MAGI2: variants seen among roughly 807,000 people sequenced by gnomAD.
The protein encoded by MAGI2 is membrane associated guanylate kinase, WW and PDZ domain containing 2, also known as membrane-associated guanylate kinase, WW and PDZ domain-containing protein 2.
MAGI2 carries 35 observed loss-of-function variants against 133.3 expected under a neutral mutation model. The observed-to-expected ratio is 0.26, with a 90% confidence interval of 0.20 to 0.35. MAGI2 has a LOEUF of 0.35. MAGI2 is among the 10% of genes least tolerant of loss of function. The probability of loss-of-function intolerance (pLI) is 1.00; values close to 1 mark genes in which losing one functional copy is unlikely to be tolerated. For missense variants in MAGI2, 1,636 were observed against 1,863.4 expected (o/e 0.88, Z 2.25); for synonymous variants, 729 against 710.6 (o/e 1.03, Z -0.41).
intron 1 of MAGI2, among the ~76,000 whole-genome samples, chr7:79,403,203 C>T (rs1265402025): frequency 6.6e-6 from 1 of 152,080 alleles, no homozygotes; most frequent in African/African-American, 2.4e-5. Context: ...GACTGAAGTC[C>T]AAAGAATAGC....
At chr7:78,944,382 G>A (rs547683224) in intron 2 of MAGI2, among the ~76,000 whole-genome samples, 15 of 151,988 alleles carry the variant, frequency 9.9e-5, no homozygotes, top group African/African-American at 3.6e-4. Context: ...TTTCCTAATG[G>A]TGTGTTAGGA....
At chr7:78,293,259 C>G (rs1039062769) in intron 9 of MAGI2, among the ~76,000 whole-genome samples, 7 of 152,108 alleles carry the variant, frequency 4.6e-5, no homozygotes, top group Non-Finnish European at 1.0e-4. Context: ...ACCACCCCAT[C>G]GAAAAGTAGG....
At chr7:78,918,830 T>C (rs1461834071) in intron 2 of MAGI2, among the ~76,000 whole-genome samples, 2 of 152,058 alleles carry the variant, frequency 1.3e-5, no homozygotes, top group Non-Finnish European at 2.9e-5. Context: ...AAACATCATA[T>C]ATATACGATG....
At chr7:78,393,703 G>T (rs1200879974) in intron 6 of MAGI2, among the ~76,000 whole-genome samples, 3 of 152,222 alleles carry the variant, frequency 2.0e-5, no homozygotes, top group African/African-American at 7.2e-5. Flanking sequence ...ACATTGACAA[G>T]GAAGAACTGA....
At chr7:78,562,873 T>G (rs1158259573) in intron 3 of MAGI2, among the ~76,000 whole-genome samples, 1 of 152,142 alleles carries the variant, frequency 6.6e-6, no homozygotes, top group African/African-American at 2.4e-5. Flanking sequence ...GCTACTGAAT[T>G]TTTGCTTTGC....
rs144542837 is a variant in MAGI2, at chr7:79,298,155, A to T, written c.301+154865T>A. Among the ~76,000 whole-genome samples, 65 of 152,312 alleles carry T rather than the reference A, an allele frequency of 4.3e-4. No homozygotes were observed. In the East Asian group the frequency reaches 0.012, roughly 29 times the overall value. Reference sequence around the variant, plus strand: ...ATGAATACTGTCTTATTAGTTTAAAAATATTTGCCGTATATAATTACCTGT... The same window carrying T: ...ATGAATACTGTCTTATTAGTTTAAATATATTTGCCGTATATAATTACCTGT... On this transcript the variant is annotated intron_variant, in intron 1 of 21. Coordinates refer to ENST00000354212, the MANE Select transcript of MAGI2 (RefSeq NM_012301.4).
rs578259685 is a variant in MAGI2 at position 79,364,215 on chromosome 7, A to G, written c.301+88805T>C. 4.6e-5 allele frequency among the ~76,000 whole-genome samples: 7 copies of G among 152,196 alleles called. No homozygotes were observed. In the East Asian group the frequency reaches 9.6e-4, roughly 21 times the overall value. ...TCAAAAAACTAAAAGTAGAACAACCATATGATCCAGTAAACGCACTATAGG... is the reference window on the plus strand; with the variant it reads ...TCAAAAAACTAAAAGTAGAACAACCGTATGATCCAGTAAACGCACTATAGG... On this transcript the variant is annotated intron_variant, in intron 1 of 21. Transcript: ENST00000354212.
At chr7:78,989,227 C>G (rs1198171512) in intron 2 of MAGI2, among the ~76,000 whole-genome samples, 1 of 151,950 alleles carries the variant, frequency 6.6e-6, no homozygotes, top group East Asian at 1.9e-4. Context: ...ACCATTACCC[C>G]AAAGAATTGG....
chr7:78,737,327 T>C (rs1821958089), intron 2 of MAGI2, among the ~76,000 whole-genome samples: 1 of 152,170 alleles, frequency 6.6e-6, no homozygotes, highest in Admixed American at 6.5e-5. Context: ...TGTTACAAAC[T>C]CGTGCATGCA....
chr7:78,898,725 T>C (rs1023536596), intron 2 of MAGI2, among the ~76,000 whole-genome samples: 3 of 151,868 alleles, frequency 2.0e-5, no homozygotes, highest in Admixed American at 2.0e-4. Context: ...ATCCTGGTGA[T>C]GAAATAATTT....
chr7:78,432,252 A>T (rs1432563163), intron 6 of MAGI2, among the ~76,000 whole-genome samples: 1 of 151,522 alleles, frequency 6.6e-6, no homozygotes, highest in Non-Finnish European at 1.5e-5. Context: ...TGCCAAAAAC[A>T]ATTTATACTT....
chr7:78,962,299 C>T (rs963204759), intron 2 of MAGI2, among the ~76,000 whole-genome samples: 4 of 152,026 alleles, frequency 2.6e-5, no homozygotes, highest in East Asian at 1.9e-4. Context: ...TTCAGAGGTC[C>T]GGATCCAAGT....
chr7:78,134,148 T>C (rs1166826828), intron 17 of MAGI2: 1 of 152,204 alleles, frequency 6.6e-6, no homozygotes, highest in Non-Finnish European at 1.5e-5. Flanking sequence ...AAATGTCCCT[T>C]GGGGGGACAA....
chr7:78,064,416 C>A (rs1407622917), intron 21 of MAGI2, among the ~76,000 whole-genome samples: 3 of 150,962 alleles, frequency 2.0e-5, no homozygotes, highest in Admixed American at 6.6e-5. Context: ...TAGTAGTAAG[C>A]CAATTAAATA....
At chr7:79,137,172 C>A (rs1281400333) in intron 1 of MAGI2, among the ~76,000 whole-genome samples, 1 of 152,034 alleles carries the variant, frequency 6.6e-6, no homozygotes, top group Non-Finnish European at 1.5e-5. Flanking sequence ...TAGAAGAAAC[C>A]TCCAAACCCG....
chr7:78,652,869 T>C (rs2151018044), intron 2 of MAGI2, among the ~76,000 whole-genome samples: 1 of 151,984 alleles, frequency 6.6e-6, no homozygotes, highest in Admixed American at 6.6e-5. Flanking sequence ...GGGAGAAGAT[T>C]TTTGCAATCT....
At chr7:78,418,739 C>T (rs1798523162) in intron 6 of MAGI2, among the ~76,000 whole-genome samples, 1 of 152,070 alleles carries the variant, frequency 6.6e-6, no homozygotes, top group Non-Finnish European at 1.5e-5. Flanking sequence ...GTTTCAGTCT[C>T]ATCTGAAAAG....
intron 9 of MAGI2, among the ~76,000 whole-genome samples, chr7:78,321,816 C>T (rs1167998876): frequency 6.6e-6 from 1 of 152,138 alleles, no homozygotes; most frequent in Non-Finnish European, 1.5e-5. Flanking sequence ...AAGAAATTAT[C>T]ATCAGAGTGA....
intron 3 of MAGI2, among the ~76,000 whole-genome samples, chr7:78,573,233 A>ATATAAATATATAT (rs1801776218): frequency 2.2e-5 from 1 of 44,492 alleles, no homozygotes; most frequent in African/African-American, 1.3e-4. Flanking sequence ...TATAAATATA[A>ATATAAATATATAT]ATATATATAT....
Sources: allele counts gnomAD v4.1 joint callset (sites outside exome capture counted in the v4.1 genomes callset), GRCh38; gene constraint gnomAD v4.1.1; transcripts MANE v1.5; gene names NCBI Gene and HGNC (gene_info 2026-07-23, HGNC 2026-07-21).